CTNNA2: variants seen among roughly 807,000 people sequenced by gnomAD.
CTNNA2 encodes the protein catenin alpha 2, also known as catenin alpha-2.
Under a neutral mutation model 101.0 loss-of-function variants are expected in CTNNA2, and 42 were observed. The ratio of observed to expected loss-of-function variants is 0.42; its 90% CI spans 0.32 to 0.54. CTNNA2 has a LOEUF of 0.54. Ranked by LOEUF, CTNNA2 falls within the 20% of genes least tolerant of loss-of-function variation. The pLI, the probability that CTNNA2 is intolerant of heterozygous loss-of-function variation, is 0.14. For missense variants in CTNNA2, 871 were observed against 1,223.1 expected, an observed-to-expected ratio of 0.71 and a Z score of 4.29; for synonymous variants, 450 against 456.4, an observed-to-expected ratio of 0.99 and a Z score of 0.18.
intron 7 of CTNNA2, among the ~76,000 whole-genome samples, chr2:79,954,018 G>A (rs188954509): frequency 6.6e-6 from 1 of 152,250 alleles, no homozygotes; most frequent in East Asian, 1.9e-4. Context: ...AAGGAAAGAG[G>A]TTTAGTTGAC....
At chr2:80,073,571 G>A (rs910810315) in intron 7 of CTNNA2, among the ~76,000 whole-genome samples, 1 of 151,990 alleles carries the variant, frequency 6.6e-6, no homozygotes, top group Non-Finnish European at 1.5e-5. Context: ...GCTTATTTGG[G>A]CAATATTTAA....
At position 79,276,635 on chromosome 2, in the gene CTNNA2, C is replaced by T. The variant is rs147628553; in HGVS notation, c.-405-36074C>T. Among the ~76,000 whole-genome samples, 784 of 152,002 alleles carry T rather than the reference C, an allele frequency of 5.2e-3. 4 individuals are homozygous for T. Among genetic ancestry groups the T allele is most frequent in the Admixed American group, 0.012 (181 of 15,254 alleles). On this transcript the variant is annotated intron_variant, in intron 2 of 21. Transcript: ENST00000466387. The stretch of plus-strand genomic sequence containing the variant: ...CCTATTTTTGTTTTTTAGTCTATTA[C>T]GGTGTTTGTGTAACTTTTATTTATT...
intron 2 of CTNNA2, among the ~76,000 whole-genome samples, chr2:79,291,755 A>G (rs1375573920): frequency 2.0e-5 from 3 of 152,124 alleles, no homozygotes; most frequent in Non-Finnish European, 4.4e-5. Context: ...GTCTCCTCCC[A>G]TGGCAGTGAC....
chr2:79,555,244 T>C (rs1674369912), intron 1 of CTNNA2, among the ~76,000 whole-genome samples: 1 of 152,106 alleles, frequency 6.6e-6, no homozygotes, highest in South Asian at 2.1e-4. Context: ...AAAAGCAAAA[T>C]GTGAAAATTA....
intron 7 of CTNNA2, among the ~76,000 whole-genome samples, chr2:80,168,820 G>A (rs1401994257): frequency 1.3e-5 from 2 of 151,882 alleles, no homozygotes; most frequent in Non-Finnish European, 2.9e-5. Flanking sequence ...TGATTCGAAT[G>A]TATAGTAGGG....
chr2:79,959,717 T>G (rs1452538805), intron 7 of CTNNA2, among the ~76,000 whole-genome samples: 1 of 152,252 alleles, frequency 6.6e-6, no homozygotes, highest in Non-Finnish European at 1.5e-5. Context: ...CTAAGCCATT[T>G]ACACAAGTAG....
At chr2:79,558,507 A>G (rs1674578642) in intron 1 of CTNNA2, among the ~76,000 whole-genome samples, 1 of 151,910 alleles carries the variant, frequency 6.6e-6, no homozygotes, top group African/African-American at 2.4e-5. Flanking sequence ...CCCTAAAGGG[A>G]CGTGCAGTGT....
intron 4 of CTNNA2, among the ~76,000 whole-genome samples, chr2:79,378,653 A>G (rs1359032509): frequency 6.6e-6 from 1 of 152,128 alleles, no homozygotes; most frequent in South Asian, 2.1e-4. Context: ...TGAGTATTGA[A>G]TGTCCAAAAG....
chr2:79,375,404 T>C (rs1160800944), intron 4 of CTNNA2, among the ~76,000 whole-genome samples: 2 of 152,178 alleles, frequency 1.3e-5, no homozygotes, highest in African/African-American at 2.4e-5. Context: ...ATAAGAGCTT[T>C]TCGCCATCGT....
chr2:79,733,326 T>A (rs1468633517), intron 2 of CTNNA2, among the ~76,000 whole-genome samples: 1 of 152,140 alleles, frequency 6.6e-6, no homozygotes, highest in African/African-American at 2.4e-5. Context: ...GATGAGACTA[T>A]ATGTTTTTTC....
intron 2 of CTNNA2, among the ~76,000 whole-genome samples, chr2:79,671,461 A>C (rs1003157898): frequency 2.0e-5 from 3 of 152,058 alleles, no homozygotes; most frequent in Non-Finnish European, 2.9e-5. Context: ...CTTATCAATA[A>C]AGCACATAGT....
rs1177794886 is a variant in CTNNA2, at chr2:80,474,848, A to G, written c.1290+55247A>G. Among the ~76,000 whole-genome samples the G allele has an allele frequency of 2.0e-5, 3 of 152,316 alleles. No homozygotes were observed. In the East Asian group the frequency reaches 5.8e-4, roughly 29 times the overall value. ...AAGGACAAAAGCAAGGAAATTGAAT[A>G]TTGAGATTATTTGTAGCATTCTTCC... On this transcript the variant is annotated intron_variant, in intron 9 of 18. Transcript: ENST00000402739.
At position 80,249,425 on chromosome 2, in the gene CTNNA2, A is replaced by C. The variant is rs1671586715; in HGVS notation, c.1057-143786A>C. ...TTGCGAAGGGAGCTCTTAGGGAATG[A>C]ATCAAAGACACTGGCATACTGTTTA... On this transcript the variant is annotated intron_variant, in intron 7 of 18. Coordinates refer to ENST00000402739, the MANE Select transcript of CTNNA2 (RefSeq NM_001282597.3). Among the ~76,000 whole-genome samples the C allele has an allele frequency of 2.0e-5, 3 of 152,304 alleles. No homozygotes were observed. In the South Asian group the frequency reaches 6.2e-4, roughly 32 times the overall value.
Position 79,278,341 on chromosome 2 carries a change from G to A in CTNNA2, c.-405-34368G>A, listed in dbSNP as rs532774005. ...GTTTTCTGTATTAATGAGGAGAGAC[G>A]GGGAAGAAGGAGCGAGCATGGTCAC... On this transcript the variant is annotated intron_variant, in intron 2 of 21. Transcript: ENST00000466387. 1.2e-4 allele frequency among the ~76,000 whole-genome samples: 18 copies of A among 152,114 alleles called. No homozygotes were observed. In the East Asian group the frequency reaches 2.3e-3, roughly 20 times the overall value.
At chr2:80,268,017 G>A (rs979037887) in intron 7 of CTNNA2, among the ~76,000 whole-genome samples, 4 of 152,254 alleles carry the variant, frequency 2.6e-5, no homozygotes, top group African/African-American at 9.6e-5. Context: ...AGTGGCTGCA[G>A]TCTGCTCTGG....
chr2:80,428,366 A>G (rs144096345), intron 9 of CTNNA2, among the ~76,000 whole-genome samples: 2 of 152,324 alleles, frequency 1.3e-5, no homozygotes, highest in East Asian at 3.9e-4. Context: ...AAAGCAAAGA[A>G]AGAAGAATAT....
At chr2:80,292,352 T>C (rs1675335594) in intron 7 of CTNNA2, among the ~76,000 whole-genome samples, 1 of 152,104 alleles carries the variant, frequency 6.6e-6, no homozygotes, top group Non-Finnish European at 1.5e-5. Context: ...CAGCCAGAAT[T>C]TGAACCCAAG....
intron 2 of CTNNA2, among the ~76,000 whole-genome samples, chr2:79,304,900 A>C (rs377374389): frequency 1.3e-5 from 2 of 152,196 alleles, no homozygotes; most frequent in East Asian, 3.9e-4. Context: ...TTTATTGAAT[A>C]CCAACTGATC....
intron 2 of CTNNA2, among the ~76,000 whole-genome samples, chr2:79,256,029 ACTCACAATTAT>A (rs1234845260): frequency 6.6e-6 from 1 of 152,102 alleles, no homozygotes; most frequent in Non-Finnish European, 1.5e-5. Flanking sequence ...TGAAGATAAA[ACTCACAATTAT>A]CTCATGGAGT....
Sources: allele counts gnomAD v4.1 joint callset (sites outside exome capture counted in the v4.1 genomes callset), GRCh38; gene constraint gnomAD v4.1.1; transcripts MANE v1.5; gene names NCBI Gene and HGNC (gene_info 2026-07-23, HGNC 2026-07-21).